SPIDR: variants seen among roughly 807,000 people sequenced by gnomAD.
The protein encoded by SPIDR is DNA repair-scaffolding protein.
In SPIDR, 93 loss-of-function variants were observed where a neutral mutation model predicts 104.6. The ratio of observed to expected loss-of-function variants is 0.89; its 90% CI spans 0.75 to 1.06. The LOEUF is 1.06. Among genes scored for constraint, SPIDR ranks in the 50% least tolerant of loss-of-function variants. SPIDR has a pLI of 0.00. For missense variants in SPIDR, 1,154 were observed against 1,111.2 expected (o/e 1.04, Z -0.55); for synonymous variants, 431 against 416.9 (o/e 1.03, Z -0.41).
chr8:47,377,880 CACA>C (rs2058852150), intron 5 of SPIDR, among the ~76,000 whole-genome samples: 1 of 152,218 alleles, frequency 6.6e-6, no homozygotes. Flanking sequence ...ATTTCAGAAA[CACA>C]ACATGTTCTG....
chr8:47,399,459 G>A (rs953302892), intron 6 of SPIDR, among the ~76,000 whole-genome samples: 3 of 152,234 alleles, frequency 2.0e-5, no homozygotes, highest in Admixed American at 1.3e-4. Context: ...CCAGTAAATA[G>A]GGCAGTCCTT....
chr8:47,374,361 G>C (rs1483435467), intron 5 of SPIDR, among the ~76,000 whole-genome samples: 1 of 151,798 alleles, frequency 6.6e-6, no homozygotes, highest in Non-Finnish European at 1.5e-5. Flanking sequence ...GTCTCTTAGG[G>C]AAAAAGAAAT....
chr8:47,625,333 G>A (rs1395461711), intron 10 of SPIDR, among the ~76,000 whole-genome samples: 1 of 152,210 alleles, frequency 6.6e-6, no homozygotes. Context: ...GCACAAGACA[G>A]GGATGCCCTC....
chr8:47,402,619 C>A (rs782305293), intron 6 of SPIDR, among the ~76,000 whole-genome samples: 5 of 152,100 alleles, frequency 3.3e-5, no homozygotes, highest in Non-Finnish European at 5.9e-5. Flanking sequence ...TGGATAAATT[C>A]CAGCACACAT....
At chr8:47,300,606 C>G (rs1027493598) in intron 5 of SPIDR, among the ~76,000 whole-genome samples, 1 of 152,212 alleles carries the variant, frequency 6.6e-6, no homozygotes, top group South Asian at 2.1e-4. Flanking sequence ...TTTCCCTCTA[C>G]ACACTGCTTT....
In SPIDR at chr8:47,599,208, G is replaced by A; in HGVS notation, c.1544+12G>A. 1 of 1,612,336 alleles carries A rather than the reference G, an allele frequency of 6.2e-7. No individual in the cohort carries two copies. The highest frequency in any genetic ancestry group is 1.7e-5 in the Admixed American group (1 of 59,848). On this transcript the variant is annotated intron_variant, in intron 10 of 19. Transcript: ENST00000297423. ...CCAGCTGGAACTCGGTGAGTGCCAA[G>A]ATGCTGGTGTGGGGCAGAGGTGAAG...
chr8:47,543,969 T>C (rs1249178113), intron 8 of SPIDR, among the ~76,000 whole-genome samples: 1 of 152,130 alleles, frequency 6.6e-6, no homozygotes, highest in African/African-American at 2.4e-5. Context: ...GCTTACTCCT[T>C]AGGGAAGAAT....
chr8:47,306,341 A>G (rs1299932446), intron 5 of SPIDR, among the ~76,000 whole-genome samples: 5 of 151,832 alleles, frequency 3.3e-5, no homozygotes, highest in Admixed American at 1.3e-4. Flanking sequence ...GGGCTTCACT[A>G]TGTTGGCCAG....
At chr8:47,514,791 A>G (rs560366149) in intron 8 of SPIDR, among the ~76,000 whole-genome samples, 99 of 152,206 alleles carry the variant, frequency 6.5e-4, no homozygotes, top group Admixed American at 3.3e-4. Flanking sequence ...TTATATTTGT[A>G]TGTGCTTTGA....
chr8:47,363,019 G>T (rs529753307), intron 5 of SPIDR, among the ~76,000 whole-genome samples: 10 of 151,788 alleles, frequency 6.6e-5, no homozygotes, highest in Non-Finnish European at 1.3e-4. Flanking sequence ...ATCCTATTCC[G>T]CCTGCAGATG....
At chr8:47,546,195 T>G (rs538913614) in intron 8 of SPIDR, among the ~76,000 whole-genome samples, 1 of 152,314 alleles carries the variant, frequency 6.6e-6, no homozygotes, top group East Asian at 1.9e-4. Context: ...AATTGTTTCT[T>G]AAGTGTTTGG....
intron 11 of SPIDR, among the ~76,000 whole-genome samples, chr8:47,682,730 CAT>C: frequency 6.6e-6 from 1 of 152,244 alleles, no homozygotes; most frequent in Admixed American, 6.5e-5. Context: ...AAAGGTATAA[CAT>C]AAGGAATAGG....
intron 8 of SPIDR, among the ~76,000 whole-genome samples, chr8:47,458,428 A>G (rs751096352): frequency 4.6e-4 from 68 of 147,466 alleles, no homozygotes; most frequent in South Asian, 1.7e-3. Context: ...TTTTTATTTG[A>G]TTCTCAGCTT....
chr8:47,458,221 G>A (rs1413406180), intron 8 of SPIDR, among the ~76,000 whole-genome samples: 1 of 152,016 alleles, frequency 6.6e-6, no homozygotes, highest in Non-Finnish European at 1.5e-5. Context: ...ATGAGCATGG[G>A]ATGTGTTTAC....
rs2082971405 is a variant in SPIDR at position 47,718,922 on chromosome 8, C to CTTCCCCTA, written c.2341+5282_2341+5289dup. On this transcript the variant is annotated intron_variant, in intron 16 of 19. Coordinates refer to ENST00000297423, the MANE Select transcript of SPIDR (RefSeq NM_001080394.4). The stretch of plus-strand genomic sequence containing the variant: ...ACATTAGCTATTCTTGATGCTCTCC[C>CTTCCCCTA]TTCCCCTACGCAGGGCTCCTTCTAA... Among the ~76,000 whole-genome samples the CTTCCCCTA allele has an allele frequency of 2.0e-5, 3 of 152,068 alleles. No homozygotes were observed. The South Asian group carries it at 6.2e-4, about 32-fold the overall frequency.
chr8:47,410,757 CATTA>C (rs2063402151), intron 7 of SPIDR, among the ~76,000 whole-genome samples: 2 of 152,044 alleles, frequency 1.3e-5, no homozygotes, highest in African/African-American at 4.8e-5. Flanking sequence ...GTGCTGCACC[CATTA>C]ACTCGTCATT....
At chr8:47,423,404 G>A (rs2065899199) in intron 7 of SPIDR, among the ~76,000 whole-genome samples, 1 of 151,844 alleles carries the variant, frequency 6.6e-6, no homozygotes, top group African/African-American at 2.4e-5. Flanking sequence ...CCAGGAGTTT[G>A]AGACCAGTCT....
In SPIDR at chr8:47,387,440, A is replaced by G. The variant is rs544337867; in HGVS notation, c.526-8936A>G. On this transcript the variant is annotated intron_variant, in intron 5 of 19. Transcript: ENST00000297423. The stretch of plus-strand genomic sequence containing the variant: ...GCAGGAGTGGAGCAAGAGACCAGCT[A>G]TGAGTCACAGCCATTGTGGTGCCAG... Among the ~76,000 whole-genome samples, 71 of 152,256 alleles carry G rather than the reference A, an allele frequency of 4.7e-4. No individual in the cohort carries two copies. In the South Asian group the frequency reaches 0.012, roughly 26 times the overall value.
chr8:47,318,386 T>C (rs1586861749), intron 5 of SPIDR, among the ~76,000 whole-genome samples: 2 of 150,428 alleles, frequency 1.3e-5, no homozygotes, highest in African/African-American at 4.9e-5. Context: ...AGAAGAGAAG[T>C]TTAGAGAAAA....
Sources: allele counts gnomAD v4.1 joint callset (sites outside exome capture counted in the v4.1 genomes callset), GRCh38; gene constraint gnomAD v4.1.1; transcripts MANE v1.5; gene names NCBI Gene and HGNC (gene_info 2026-07-23, HGNC 2026-07-21).